Variants in FAM222B observed in about 807,000 individuals in gnomAD.
The protein encoded by FAM222B is family with sequence similarity 222 member B, also known as protein FAM222B.
In FAM222B, 12 loss-of-function variants were observed where a neutral mutation model predicts 38.0. The ratio of observed to expected loss-of-function variants is 0.32; its 90% CI spans 0.20 to 0.51. The LOEUF (loss-of-function observed/expected upper bound fraction) is 0.51. Among genes scored for constraint, FAM222B ranks in the 20% least tolerant of loss-of-function variants. FAM222B has a pLI of 0.97. For missense variants in FAM222B, 716 were observed against 754.2 expected (o/e 0.95, Z 0.59); for synonymous variants, 329 against 317.2 (o/e 1.04, Z -0.40).
At chr17:28,846,538 C>T (rs758976964), upstream of FAM222B, among the ~76,000 whole-genome samples, 35 of 150,754 alleles carry the variant, frequency 2.3e-4, no homozygotes, top group Non-Finnish European at 4.0e-4. Flanking sequence ...GTGTGGTGGC[C>T]CGCATCTGTA....
At position 28,759,453 on chromosome 17, in the gene FAM222B, G is replaced by C. The variant is rs1167257087; in HGVS notation, c.506C>G (p.Pro169Arg). 8.9e-6 allele frequency: 14 copies of C among 1,572,118 alleles called. No homozygotes were observed. Among genetic ancestry groups the C allele is most frequent in the Admixed American group, 1.8e-5 (1 of 55,882 alleles). ...ACCCTGAGGGTGCTGCAGCGTCTGG[G>C]GAGGGGCATGGGCCAGGGTCTGTGC... ...QHAQTLAHAP[P>R]QTLQHPQGIP... is the part of the protein sequence containing the mutation. Residue 169 changes from proline to arginine, a missense_variant, in exon 3 of 3, where the codon CCC (proline) becomes CGC (arginine). Transcript: ENST00000581407. This position sits in a 1 kb window ranked among gnomAD's most constrained non-coding sequence, Gnocchi z 4.8.
At chr17:28,768,878 G>T (rs2035473539) in intron 1 of FAM222B, among the ~76,000 whole-genome samples, 1 of 150,868 alleles carries the variant, frequency 6.6e-6, no homozygotes, top group South Asian at 2.1e-4. Flanking sequence ...TTCTGTTGGG[G>T]TCTGGATGCT....
chr17:28,811,656 G>A (rs1447772481), intron 1 of FAM222B, among the ~76,000 whole-genome samples: 1 of 152,226 alleles, frequency 6.6e-6, no homozygotes, highest in Non-Finnish European at 1.5e-5. Flanking sequence ...CAACAGAGAT[G>A]AGCTACTACA....
At chr17:28,776,094 A>G (rs1252099010) in intron 1 of FAM222B, among the ~76,000 whole-genome samples, 1 of 149,990 alleles carries the variant, frequency 6.7e-6, no homozygotes, top group Middle Eastern at 3.5e-3. Context: ...AAAAAGAAAA[A>G]AAAAAGCCAG....
chr17:28,761,541 C>T (rs2035071788), intron 2 of FAM222B, among the ~76,000 whole-genome samples: 1 of 152,222 alleles, frequency 6.6e-6, no homozygotes, highest in African/African-American at 2.4e-5. Context: ...TTCAAAGTCA[C>T]ATCACTGGGC....
chr17:28,808,279 A>G (rs1232101052), intron 1 of FAM222B, among the ~76,000 whole-genome samples: 1 of 152,216 alleles, frequency 6.6e-6, no homozygotes, highest in Non-Finnish European at 1.5e-5. Context: ...TCTAGGAGAG[A>G]AATTAATAAC....
At chr17:28,778,007 C>CTTTTTTCT (rs1555572960) in intron 1 of FAM222B, among the ~76,000 whole-genome samples, 2 of 106,632 alleles carry the variant, frequency 1.9e-5, no homozygotes, top group African/African-American at 7.0e-5. Flanking sequence ...CCAGGCTGGA[C>CTTTTTTCT]TTTTTTTTTT....
chr17:28,847,631 A>G (rs147886695), upstream of FAM222B, among the ~76,000 whole-genome samples: 944 of 150,038 alleles, frequency 6.3e-3, 13 homozygotes, highest in African/African-American at 0.023. Context: ...AAAGAAAAAC[A>G]AGGCCGGGCG....
intron 1 of FAM222B, among the ~76,000 whole-genome samples, chr17:28,782,982 C>A (rs2036226921): frequency 1.3e-5 from 2 of 151,646 alleles, no homozygotes; most frequent in Non-Finnish European, 2.9e-5. Context: ...CTAAAAAATA[C>A]AAAAAATTAG....
chr17:28,832,283 A>T (rs1246248185), intron 1 of FAM222B, among the ~76,000 whole-genome samples: 2 of 152,238 alleles, frequency 1.3e-5, no homozygotes, highest in Non-Finnish European at 2.9e-5. Flanking sequence ...TCAAGATTCT[A>T]AAGTTTTACT....
At chr17:28,811,154 A>G (rs2037741944) in intron 1 of FAM222B, among the ~76,000 whole-genome samples, 1 of 152,140 alleles carries the variant, frequency 6.6e-6, no homozygotes, top group Admixed American at 6.5e-5. Flanking sequence ...GAAAATGCCC[A>G]TTTAGGCCAG....
intron 1 of FAM222B, among the ~76,000 whole-genome samples, chr17:28,833,700 T>C (rs1350341228): frequency 6.6e-6 from 1 of 151,656 alleles, no homozygotes; most frequent in Non-Finnish European, 1.5e-5. Context: ...AAGTAGTAGT[T>C]GTCATGCCAC....
At chr17:28,852,064 T>C (rs2039185724) in intron 1 of FAM222B, among the ~76,000 whole-genome samples, 1 of 151,560 alleles carries the variant, frequency 6.6e-6, no homozygotes, top group Admixed American at 6.6e-5. Flanking sequence ...AAAAATTTTT[T>C]TTTAATTAAA....
In FAM222B at chr17:28,759,239, C is replaced by T. The variant is rs781766513; in HGVS notation, c.720G>A (p.Pro240=). ...GRKMPDSDAP[P]NVTVSTSTIP... ...TAGTTGAGGTAGACACGGTCACATT[C>T]GGGGGGGCATCTGAGTCTGGCATCT... is the stretch of plus-strand genomic sequence containing the variant. The change falls in exon 3 of 3, where the codon CCG becomes CCA. Residue 240 remains proline, a synonymous_variant. Coordinates refer to ENST00000581407, the MANE Select transcript of FAM222B (RefSeq NM_001077498.3). This position sits in a 1 kb window ranked among gnomAD's most constrained non-coding sequence, Gnocchi z 4.8. The T allele has an allele frequency of 1.6e-5, 26 of 1,613,348 alleles. No individual in the cohort carries two copies. The highest frequency in any genetic ancestry group is 1.1e-4 in the African/African-American group (8 of 74,858).
At chr17:28,768,901 A>G (rs1006061018) in intron 1 of FAM222B, among the ~76,000 whole-genome samples, 5 of 151,680 alleles carry the variant, frequency 3.3e-5, no homozygotes, top group Non-Finnish European at 7.4e-5. Context: ...TCTTTACATA[A>G]TAACTTCTCC....
At chr17:28,797,657 G>A (rs1259525985) in intron 1 of FAM222B, among the ~76,000 whole-genome samples, 2 of 152,070 alleles carry the variant, frequency 1.3e-5, no homozygotes, top group Admixed American at 6.6e-5. Flanking sequence ...ACATTTGTAG[G>A]GAGTTTTACA....
chr17:28,763,631 CA>C (rs769662969), intron 2 of FAM222B, among the ~76,000 whole-genome samples: 1 of 152,218 alleles, frequency 6.6e-6, no homozygotes, highest in Non-Finnish European at 1.5e-5. Flanking sequence ...TGTTCAAACA[CA>C]GATTTCAGAG....
rs2038676788 is a variant in FAM222B, at chr17:28,831,776, CA to C, written c.-41+10905del. On this transcript the variant is annotated intron_variant, in intron 1 of 2. Transcript: ENST00000581407. ...AAGCAATACACCCACCTCTGCCTCCCAAAGTGCTGAGATTACAGGCATGAAC... is the reference window on the plus strand; with the variant it reads ...AAGCAATACACCCACCTCTGCCTCCCAAGTGCTGAGATTACAGGCATGAAC... 2.0e-5 allele frequency among the ~76,000 whole-genome samples: 3 copies of C among 152,000 alleles called. No homozygotes were observed. In the South Asian group the frequency reaches 6.2e-4, roughly 32 times the overall value.
chr17:28,777,611 A>T (rs1423825727), intron 1 of FAM222B, among the ~76,000 whole-genome samples: 3 of 152,186 alleles, frequency 2.0e-5, no homozygotes, highest in Admixed American at 6.6e-5. Flanking sequence ...TAAATGTTTA[A>T]TAACTTTTAC....
Sources: allele counts gnomAD v4.1 joint callset (sites outside exome capture counted in the v4.1 genomes callset), GRCh38; gene constraint gnomAD v4.1.1; non-coding constraint Gnocchi (gnomAD v3.1); transcripts MANE v1.5; gene names NCBI Gene and HGNC (gene_info 2026-07-23, HGNC 2026-07-21).